Variants in CACNA2D1 observed in about 807,000 individuals in gnomAD.
CACNA2D1 encodes the protein voltage-dependent calcium channel subunit alpha-2/delta-1.
A neutral mutation model predicts 171.5 loss-of-function variants in CACNA2D1; 53 were observed. That is an observed-to-expected ratio of 0.31 (90% CI 0.25 to 0.39). The LOEUF (loss-of-function observed/expected upper bound fraction) is 0.39, where lower values mean the gene tolerates loss of function less well. Among genes scored for constraint, CACNA2D1 ranks in the 10% least tolerant of loss-of-function variants. The probability of loss-of-function intolerance (pLI) is 1.00; values close to 1 mark genes in which losing one functional copy is unlikely to be tolerated. For missense variants in CACNA2D1, 903 were observed against 1,299.8 expected, an observed-to-expected ratio of 0.69 and a Z score of 4.69; for synonymous variants, 442 against 443.1, an observed-to-expected ratio of 1.00 and a Z score of 0.03.
At chr7:82,394,294 GAAA>G (rs1161378756) in intron 1 of CACNA2D1, among the ~76,000 whole-genome samples, 2 of 151,572 alleles carry the variant, frequency 1.3e-5, no homozygotes, top group Admixed American at 1.3e-4. Flanking sequence ...TGACAAAAAG[GAAA>G]AAGAAGAAAG....
chr7:82,081,681 G>A (rs1240986680), intron 7 of CACNA2D1, among the ~76,000 whole-genome samples: 1 of 152,072 alleles, frequency 6.6e-6, no homozygotes, highest in East Asian at 1.9e-4. Context: ...GACTTTTCTT[G>A]GTCACTTTGC....
chr7:81,950,618 C>G, intron 38 of CACNA2D1, 110 bp from the exon 39 acceptor site: 1 of 1,431,330 alleles, frequency 7.0e-7, no homozygotes, highest in East Asian at 2.5e-5. Context: ...ACTTTCTGAA[C>G]TTACCTTATA....
chr7:81,951,967 G>GTGTTTTTTTTTTTTTGTTT (rs1562762272), intron 38 of CACNA2D1, among the ~76,000 whole-genome samples: 2 of 27,542 alleles, frequency 7.3e-5, no homozygotes, highest in African/African-American at 1.6e-4. Flanking sequence ...AGTGTACAAA[G>GTGTTTTTTTTTTTTTGTTT]TGTTTTTTTT....
At chr7:82,398,003 G>A (rs904030633) in intron 1 of CACNA2D1, among the ~76,000 whole-genome samples, 12 of 152,186 alleles carry the variant, frequency 7.9e-5, no homozygotes, top group African/African-American at 2.9e-4. Flanking sequence ...CAGTGGGATA[G>A]GATTAGATAG....
rs770950993 is a variant in CACNA2D1 at position 81,959,780 on chromosome 7, C to T, written c.3016G>A (p.Val1006Ile). The T allele has an allele frequency of 7.4e-6, 12 of 1,612,516 alleles. No homozygotes were observed. In the East Asian group the frequency reaches 2.7e-4, roughly 36 times the overall value. ...CATGGACATGTCCCTTTGCTCTCAACCATTATGAATATTAAGTTGGTGTTC... is the reference window on the plus strand; with the variant it reads ...CATGGACATGTCCCTTTGCTCTCAATCATTATGAATATTAAGTTGGTGTTC... ...LMNTNLIFIM[V>I]ESKGTCPCDT... is the part of the protein sequence containing the mutation. Residue 1006 changes from valine (V) to isoleucine (I), a missense_variant, in exon 37 of 39, where the codon GTT (valine) becomes ATT (isoleucine). Physicochemically the swap from Val to Ile is conservative, Grantham distance 29 (BLOSUM62 3). Coordinates refer to ENST00000356860, the MANE Select transcript of CACNA2D1 (RefSeq NM_000722.4).
chr7:82,214,645 A>T (rs920155574), intron 3 of CACNA2D1, among the ~76,000 whole-genome samples: 6 of 152,206 alleles, frequency 3.9e-5, no homozygotes, highest in African/African-American at 1.4e-4. Flanking sequence ...AATAATGGGC[A>T]TAGTTAACAC....
At chr7:82,011,986 CTA>C in intron 15 of CACNA2D1, 166 bp downstream of exon 15, 1 of 635,492 alleles carries the variant, frequency 1.6e-6, no homozygotes, top group East Asian at 2.8e-5. Context: ...ACATACGAGT[CTA>C]TGTTTTTATG....
chr7:82,018,642 T>A (rs1206086061), intron 12 of CACNA2D1, among the ~76,000 whole-genome samples: 1 of 152,174 alleles, frequency 6.6e-6, no homozygotes, highest in African/African-American at 2.4e-5. Flanking sequence ...TCACACATAG[T>A]TATATAATTG....
At chr7:82,049,724 G>T (rs1804981123) in intron 10 of CACNA2D1, among the ~76,000 whole-genome samples, 1 of 152,126 alleles carries the variant, frequency 6.6e-6, no homozygotes, top group South Asian at 2.1e-4. Context: ...CCCAGGCAAG[G>T]CTCAGACTGC....
chr7:82,429,856 G>A (rs1033671717), intron 1 of CACNA2D1, among the ~76,000 whole-genome samples: 2 of 151,848 alleles, frequency 1.3e-5, no homozygotes, highest in African/African-American at 2.4e-5. Context: ...CACTTATATC[G>A]ACAGGAAAAT....
intron 10 of CACNA2D1, among the ~76,000 whole-genome samples, chr7:82,039,597 G>T (rs547325655): frequency 6.6e-6 from 1 of 152,172 alleles, no homozygotes; most frequent in East Asian, 1.9e-4. Flanking sequence ...AATAAATTAT[G>T]ATTCATTCTA....
chr7:82,283,215 C>T (rs1284345661), intron 3 of CACNA2D1, among the ~76,000 whole-genome samples: 1 of 151,950 alleles, frequency 6.6e-6, no homozygotes, highest in Non-Finnish European at 1.5e-5. Context: ...CTATCTTTTC[C>T]ATTCTGTGTT....
chr7:82,361,472 C>A lies in CACNA2D1; in HGVS notation c.96-11823G>T, dbSNP rs188313963. ...CAGAAAAAGAAGTCATTTTTAATTTCTTGGTCATGTTTTCAACTATTTTTT... is the reference window on the plus strand; with the variant it reads ...CAGAAAAAGAAGTCATTTTTAATTTATTGGTCATGTTTTCAACTATTTTTT... On this transcript the variant is annotated intron_variant, in intron 1 of 38. Transcript: ENST00000356860. Among the ~76,000 whole-genome samples the A allele has an allele frequency of 6.6e-5, 10 of 152,126 alleles. No homozygotes were observed. The East Asian group carries it at 1.9e-3, about 29-fold the overall frequency.
intron 3 of CACNA2D1, among the ~76,000 whole-genome samples, chr7:82,237,663 T>G (rs575847879): frequency 6.6e-6 from 1 of 152,030 alleles, no homozygotes; most frequent in African/African-American, 2.4e-5. Context: ...TTTGCAAAGA[T>G]AGGACAGAGA....
intron 4 of CACNA2D1, among the ~76,000 whole-genome samples, chr7:82,165,044 A>C (rs942221887): frequency 2.6e-5 from 4 of 151,946 alleles, no homozygotes; most frequent in Non-Finnish European, 1.5e-5. Context: ...GCATGGCTGA[A>C]ATTTTTAGGA....
At chr7:82,409,736 G>A (rs1189782635) in intron 1 of CACNA2D1, among the ~76,000 whole-genome samples, 6 of 152,060 alleles carry the variant, frequency 3.9e-5, no homozygotes, top group Non-Finnish European at 8.8e-5. Flanking sequence ...GGTCTCTTTC[G>A]CACACTATCG....
chr7:82,031,651 G>A (rs1483584367), intron 12 of CACNA2D1, among the ~76,000 whole-genome samples: 1 of 151,762 alleles, frequency 6.6e-6, no homozygotes, highest in African/African-American at 2.4e-5. Context: ...ATACTCATAG[G>A]CCGAAAATTT....
chr7:82,087,541 AAAT>A (rs1810621272), intron 6 of CACNA2D1, among the ~76,000 whole-genome samples: 1 of 141,274 alleles, frequency 7.1e-6, no homozygotes, highest in Non-Finnish European at 1.5e-5. Context: ...GTTTTTTCTC[AAAT>A]AATATTGAAA....
chr7:82,062,014 A>G (rs1806989973), intron 9 of CACNA2D1, among the ~76,000 whole-genome samples: 1 of 152,198 alleles, frequency 6.6e-6, no homozygotes, highest in Admixed American at 6.5e-5. Context: ...CTCCAGAATA[A>G]TGGCTAGTAA....
Sources: allele counts gnomAD v4.1 joint callset (sites outside exome capture counted in the v4.1 genomes callset), GRCh38; gene constraint gnomAD v4.1.1; transcripts MANE v1.5; gene names NCBI Gene and HGNC (gene_info 2026-07-23, HGNC 2026-07-21).